The following CLSTN2 variants were observed in gnomAD, a reference collection of about 807,000 sequenced individuals.
CLSTN2 encodes calsyntenin 2.
A neutral mutation model predicts 101.2 loss-of-function variants in CLSTN2; 48 were observed. That is an observed-to-expected ratio of 0.47 (90% CI 0.38 to 0.60). The LOEUF (loss-of-function observed/expected upper bound fraction) is 0.60, where lower values mean the gene tolerates loss of function less well. Ranked by LOEUF, CLSTN2 falls within the 20% of genes least tolerant of loss-of-function variation. The probability of loss-of-function intolerance (pLI) is 0.00; values close to 1 mark genes in which losing one functional copy is unlikely to be tolerated. For synonymous variants in CLSTN2, 481 were observed against 463.6 expected, an observed-to-expected ratio of 1.04 and a Z score of -0.48; for missense variants, 1,160 against 1,238.2, an observed-to-expected ratio of 0.94 and a Z score of 0.95.
At chr3:140,361,529 G>A (rs1420198895) in intron 2 of CLSTN2, among the ~76,000 whole-genome samples, 1 of 152,100 alleles carries the variant, frequency 6.6e-6, no homozygotes, top group Non-Finnish European at 1.5e-5. Context: ...GATTGGAAAG[G>A]AAGAAGTAAA....
At chr3:140,268,427 G>A (rs904499281) in intron 2 of CLSTN2, among the ~76,000 whole-genome samples, 7 of 152,190 alleles carry the variant, frequency 4.6e-5, no homozygotes, top group Non-Finnish European at 8.8e-5. Flanking sequence ...GCAGGAGCTT[G>A]CCTATGGAAA....
At chr3:140,271,173 C>A (rs1489032469) in intron 2 of CLSTN2, among the ~76,000 whole-genome samples, 1 of 152,022 alleles carries the variant, frequency 6.6e-6, no homozygotes, top group Non-Finnish European at 1.5e-5. Context: ...CATTCGGTGA[C>A]CATTCATCTC....
intron 2 of CLSTN2, among the ~76,000 whole-genome samples, chr3:140,330,519 C>T (rs901515487): frequency 6.6e-6 from 1 of 152,218 alleles, no homozygotes; most frequent in Non-Finnish European, 1.5e-5. Context: ...CCCATTTCTG[C>T]ACCTTTCAAT....
chr3:140,382,910 C>G (rs1035019639), intron 2 of CLSTN2, among the ~76,000 whole-genome samples: 3 of 144,228 alleles, frequency 2.1e-5, no homozygotes, highest in Admixed American at 7.3e-5. Flanking sequence ...CTCTTAATAC[C>G]ATCACACTGC....
chr3:140,408,953 T>G (rs1189853439), intron 4 of CLSTN2, among the ~76,000 whole-genome samples: 1 of 152,212 alleles, frequency 6.6e-6, no homozygotes, highest in East Asian at 1.9e-4. Flanking sequence ...GCTGTACACG[T>G]GCAAGCCCCA....
intron 1 of CLSTN2, among the ~76,000 whole-genome samples, chr3:140,004,096 C>G (rs944706311): frequency 6.6e-6 from 1 of 152,158 alleles, no homozygotes; most frequent in Non-Finnish European, 1.5e-5. Flanking sequence ...ATAATTACCT[C>G]AATTCAATAA....
chr3:140,078,615 C>T (rs1325725703), intron 1 of CLSTN2, among the ~76,000 whole-genome samples: 3 of 152,220 alleles, frequency 2.0e-5, no homozygotes, highest in East Asian at 1.9e-4. Context: ...GGAGTGACAG[C>T]GTGGTGATCT....
chr3:140,373,649 T>C (rs1441842090), intron 2 of CLSTN2, among the ~76,000 whole-genome samples: 1 of 152,208 alleles, frequency 6.6e-6, no homozygotes, highest in African/African-American at 2.4e-5. Flanking sequence ...CAATCAGTAC[T>C]ATTAGCTCAG....
chr3:140,143,982 G>T (rs2009742216), intron 1 of CLSTN2, among the ~76,000 whole-genome samples: 1 of 152,320 alleles, frequency 6.6e-6, no homozygotes, highest in African/African-American at 2.4e-5. Flanking sequence ...GGAGTTGAAT[G>T]TGCTCCCCAG....
At chr3:140,064,704 C>T (rs2008267991) in intron 1 of CLSTN2, among the ~76,000 whole-genome samples, 1 of 151,834 alleles carries the variant, frequency 6.6e-6, no homozygotes, top group South Asian at 2.1e-4. Flanking sequence ...AAGCAATAAG[C>T]CATAAGTATA....
chr3:140,426,927 C>A (rs1446658826), intron 5 of CLSTN2, among the ~76,000 whole-genome samples: 2 of 151,992 alleles, frequency 1.3e-5, no homozygotes, highest in Non-Finnish European at 2.9e-5. Context: ...GTAATCCTAG[C>A]ACTTTGGGAG....
chr3:140,018,084 T>C (rs182378017), intron 1 of CLSTN2, among the ~76,000 whole-genome samples: 3 of 152,356 alleles, frequency 2.0e-5, no homozygotes, highest in East Asian at 3.9e-4. Context: ...ACAAAAATTA[T>C]AAGGTACAAC....
intron 1 of CLSTN2, among the ~76,000 whole-genome samples, chr3:140,032,483 C>T (rs1054594335): frequency 6.6e-6 from 1 of 152,088 alleles, no homozygotes; most frequent in Non-Finnish European, 1.5e-5. Flanking sequence ...ATTACAGGTG[C>T]CAGCCACCAC....
chr3:140,379,278 G>A (rs1182817738), intron 2 of CLSTN2, among the ~76,000 whole-genome samples: 2 of 152,304 alleles, frequency 1.3e-5, no homozygotes, highest in Non-Finnish European at 2.9e-5. Context: ...GACCAAGAAA[G>A]GAGGACACAA....
At chr3:139,969,828 C>T (rs1313356714) in intron 1 of CLSTN2, among the ~76,000 whole-genome samples, 1 of 152,186 alleles carries the variant, frequency 6.6e-6, no homozygotes, top group African/African-American at 2.4e-5. Context: ...TCTCTCCTCT[C>T]TTAAACCCTG....
chr3:140,436,553 C>A (rs1026761147), intron 5 of CLSTN2, among the ~76,000 whole-genome samples: 1 of 152,180 alleles, frequency 6.6e-6, no homozygotes, highest in Non-Finnish European at 1.5e-5. Context: ...TCGGGGAGAG[C>A]CCCTTCTCCC....
intron 2 of CLSTN2, among the ~76,000 whole-genome samples, chr3:140,342,192 C>T (rs531725547): frequency 1.3e-5 from 2 of 152,208 alleles, no homozygotes; most frequent in African/African-American, 2.4e-5. Flanking sequence ...ATTGACATTA[C>T]GGACTGGGTA....
intron 8 of CLSTN2, among the ~76,000 whole-genome samples, chr3:140,523,100 T>A (rs1383184624): frequency 1.3e-5 from 2 of 152,118 alleles, no homozygotes; most frequent in Non-Finnish European, 2.9e-5. Context: ...TTCTACGGCA[T>A]GTGAACTGTG....
At chr3:140,479,029 T>C (rs1413290611) in intron 8 of CLSTN2, among the ~76,000 whole-genome samples, 1 of 152,134 alleles carries the variant, frequency 6.6e-6, no homozygotes, top group East Asian at 1.9e-4. Flanking sequence ...CAAAATCTGA[T>C]CATAAACTCC....
Sources: gnomAD v4.1 joint callset for allele counts (sites outside exome capture counted in the v4.1 genomes callset) on GRCh38, gnomAD v4.1.1 for gene constraint, MANE v1.5 for transcripts, NCBI Gene and HGNC (gene_info 2026-07-23, HGNC 2026-07-21) for gene names.